Variants in PCDH15 observed in about 807,000 individuals in gnomAD.
PCDH15 encodes protocadherin-15.
PCDH15 carries 129 observed loss-of-function variants against 178.5 expected under a neutral mutation model. The ratio of observed to expected loss-of-function variants is 0.72; its 90% confidence interval spans 0.63 to 0.84. The LOEUF (loss-of-function observed/expected upper bound fraction) is 0.84. PCDH15 is among the 40% of genes least tolerant of loss of function. PCDH15 has a pLI of 0.00. For missense variants in PCDH15, 2,230 were observed against 2,099.9 expected, an observed-to-expected ratio of 1.06 and a Z score of -1.21; for synonymous variants, 800 against 732.0, an observed-to-expected ratio of 1.09 and a Z score of -1.50.
In PCDH15 at chr10:53,822,981, C is replaced by G; in HGVS notation, c.4368-2751G>C. The G allele has an allele frequency of 6.2e-7, 1 of 1,614,072 alleles. No homozygotes were observed. Among genetic ancestry groups the G allele is most frequent in the East Asian group, 2.2e-5 (1 of 44,870 alleles). On this transcript the variant is annotated intron_variant, in intron 32 of 37. Transcript: ENST00000644397. ...ATTTGGAACTTTCCTCATCAGCCTCCTGGGTAAGCTGACTGACTGACTCCA... is the reference window on the plus strand; with the variant it reads ...ATTTGGAACTTTCCTCATCAGCCTCGTGGGTAAGCTGACTGACTGACTCCA...
At chr10:53,919,101 T>C (rs1209759077) in intron 25 of PCDH15, among the ~76,000 whole-genome samples, 1 of 152,144 alleles carries the variant, frequency 6.6e-6, no homozygotes, top group African/African-American at 2.4e-5. Context: ...TGTAATTGCA[T>C]TGAGTCCACC....
chr10:54,922,352 T>C (rs1459749336), intron 2 of PCDH15, among the ~76,000 whole-genome samples: 2 of 152,126 alleles, frequency 1.3e-5, no homozygotes, highest in Non-Finnish European at 2.9e-5. Context: ...GGGTAAATGC[T>C]CCTATTCCAA....
chr10:54,157,032 G>T (rs929770830), intron 13 of PCDH15, among the ~76,000 whole-genome samples: 2 of 152,178 alleles, frequency 1.3e-5, no homozygotes, highest in African/African-American at 4.8e-5. Flanking sequence ...GCAGGGGACA[G>T]CCTCCCCCCC....
intron 2 of PCDH15, among the ~76,000 whole-genome samples, chr10:54,616,948 A>C (rs557827788): frequency 6.6e-6 from 1 of 152,236 alleles, no homozygotes; most frequent in South Asian, 2.1e-4. Context: ...ATTCAGCATA[A>C]AAAAGAAAAC....
intron 21 of PCDH15, among the ~76,000 whole-genome samples, chr10:53,990,669 T>G (rs1464345257): frequency 1.3e-5 from 2 of 152,024 alleles, no homozygotes; most frequent in South Asian, 4.1e-4. Flanking sequence ...GGCCCTCACT[T>G]GCTCTCAGCG....
intron 1 of PCDH15, among the ~76,000 whole-genome samples, chr10:54,698,260 G>A (rs1442949888): frequency 6.6e-6 from 1 of 152,106 alleles, no homozygotes; most frequent in South Asian, 2.1e-4. Flanking sequence ...CTAATTTGAA[G>A]TATTGGAATT....
chr10:55,472,205 G>T (rs140987904), intron 2 of PCDH15, among the ~76,000 whole-genome samples: 2 of 152,036 alleles, frequency 1.3e-5, no homozygotes, highest in Admixed American at 6.5e-5. Context: ...TTTAATCTCT[G>T]CTTTTAAAGG....
chr10:54,163,293 A>T (rs2133471517), intron 13 of PCDH15, among the ~76,000 whole-genome samples: 1 of 152,202 alleles, frequency 6.6e-6, no homozygotes, highest in South Asian at 2.1e-4. Context: ...AACGAGTTTT[A>T]ATTGACTCAC....
intron 21 of PCDH15, among the ~76,000 whole-genome samples, chr10:53,989,594 A>AAATGGGAGTCAG (rs1407870270): frequency 4.6e-5 from 7 of 152,124 alleles, no homozygotes; most frequent in African/African-American, 1.4e-4. Flanking sequence ...CTGGGACTAT[A>AAATGGGAGTCAG]GCATGTCAAT....
chr10:55,541,375 T>C (rs1465459806), intron 2 of PCDH15, among the ~76,000 whole-genome samples: 1 of 151,966 alleles, frequency 6.6e-6, no homozygotes, highest in African/African-American at 2.4e-5. Context: ...AAAACTTTTC[T>C]TAATGAAGAA....
intron 23 of PCDH15, among the ~76,000 whole-genome samples, chr10:53,948,395 A>G (rs926919706): frequency 1.3e-5 from 2 of 152,276 alleles, no homozygotes; most frequent in South Asian, 4.1e-4. Flanking sequence ...ACATTAATAT[A>G]GTAATTTCTG....
At chr10:53,863,083 A>G (rs567531459) in intron 27 of PCDH15, among the ~76,000 whole-genome samples, 1 of 152,328 alleles carries the variant, frequency 6.6e-6, no homozygotes, top group Admixed American at 6.5e-5. Flanking sequence ...CACCTTTTAA[A>G]AATATTCGGG....
chr10:54,851,333 A>G (rs183074586), intron 3 of PCDH15, among the ~76,000 whole-genome samples: 1 of 152,274 alleles, frequency 6.6e-6, no homozygotes. Context: ...TATGGAAGAT[A>G]CATTTTTAAA....
intron 3 of PCDH15, among the ~76,000 whole-genome samples, chr10:54,519,678 T>C (rs12765197): frequency 0.6 from 90,472 of 151,810 alleles, 27,541 homozygotes; most frequent in East Asian, 0.97. Context: ...CATCAAGCTA[T>C]CAAGGACTTT....
Position 55,164,681 on chromosome 10 carries a change from A to T in PCDH15, c.-80+1895T>A, listed in dbSNP as rs868097759. On this transcript the variant is annotated intron_variant, in intron 2 of 5. Coordinates refer to the PCDH15 transcript ENST00000458638. Reference sequence around the variant, plus strand: ...GAGAGAAACAGATTTTCTTTGTACTAATGTCAGGACAAAAATAGAAATCAC... The same window carrying T: ...GAGAGAAACAGATTTTCTTTGTACTTATGTCAGGACAAAAATAGAAATCAC... Among the ~76,000 whole-genome samples, 53 of 152,214 alleles carry T rather than the reference A, an allele frequency of 3.5e-4. No individual in the cohort carries two copies. The Middle Eastern group carries it at 0.01, about 29-fold the overall frequency.
At chr10:55,168,783 T>C (rs1230014245) in intron 1 of PCDH15, among the ~76,000 whole-genome samples, 3 of 152,202 alleles carry the variant, frequency 2.0e-5, no homozygotes, top group African/African-American at 4.8e-5. Context: ...TATGATTATA[T>C]AAGAATTAAT....
At chr10:54,074,025 T>G (rs1419915596) in intron 17 of PCDH15, among the ~76,000 whole-genome samples, 1 of 152,206 alleles carries the variant, frequency 6.6e-6, no homozygotes, top group African/African-American at 2.4e-5. Context: ...CTTCTGGCAT[T>G]CATCTTTATA....
chr10:55,185,794 AGTTTT>A (rs1052227978), intron 1 of PCDH15, among the ~76,000 whole-genome samples: 2 of 151,692 alleles, frequency 1.3e-5, no homozygotes, highest in Admixed American at 1.3e-4. Flanking sequence ...ATATATATTG[AGTTTT>A]GTTATATGAA....
At chr10:54,546,848 C>G (rs1201161237) in intron 2 of PCDH15, among the ~76,000 whole-genome samples, 1 of 152,140 alleles carries the variant, frequency 6.6e-6, no homozygotes, top group African/African-American at 2.4e-5. Context: ...TGATTCTCCT[C>G]AATTCATATT....
Sources: gnomAD v4.1 joint callset for allele counts (sites outside exome capture counted in the v4.1 genomes callset) on GRCh38, gnomAD v4.1.1 for gene constraint, MANE v1.5 for transcripts, NCBI Gene and HGNC (gene_info 2026-07-23, HGNC 2026-07-21) for gene names.